SPATA22: variants seen among roughly 807,000 people sequenced by gnomAD.
SPATA22 encodes the protein spermatogenesis-associated protein 22.
Under a neutral mutation model 47.8 loss-of-function variants are expected in SPATA22, and 29 were observed. The observed-to-expected ratio is 0.61, with a 90% CI of 0.45 to 0.83. The LOEUF is 0.83. Among genes scored for constraint, SPATA22 ranks in the 40% least tolerant of loss-of-function variants. The probability of loss-of-function intolerance (pLI) is 0.00; values close to 1 mark genes in which losing one functional copy is unlikely to be tolerated. For missense variants in SPATA22, 410 were observed against 421.7 expected (o/e 0.97, Z 0.24); for synonymous variants, 133 against 140.9 (o/e 0.94, Z 0.40).
chr17:3,478,088 G>C (rs901059623), intron 1 of SPATA22, among the ~76,000 whole-genome samples: 21 of 152,110 alleles, frequency 1.4e-4, no homozygotes, highest in African/African-American at 4.8e-4. Flanking sequence ...GGGAGACTGA[G>C]GCAGGAGAAT....
At chr17:3,466,420 G>A (rs2073316102) in intron 3 of SPATA22, among the ~76,000 whole-genome samples, 2 of 151,996 alleles carry the variant, frequency 1.3e-5, no homozygotes, top group African/African-American at 4.8e-5. Context: ...AGAGGTAAGA[G>A]GCCTAACCCA....
At chr17:3,498,815 T>C (rs2073951932) in intron 1 of SPATA22, 1 of 1,301,010 alleles carries the variant, frequency 7.7e-7, no homozygotes, top group Non-Finnish European at 1.0e-6. Context: ...AATTTGTTAG[T>C]TGTCTAGAGT....
At chr17:3,440,485 C>A (rs2072574966) in intron 8 of SPATA22, 147 bp from the exon 9 acceptor site, 2 of 568,958 alleles carry the variant, frequency 3.5e-6, no homozygotes, top group Non-Finnish European at 6.0e-6. Flanking sequence ...GCTAACAAGA[C>A]AATGATAGTT....
At chr17:3,473,203 T>C (rs1471102209), upstream of SPATA22, among the ~76,000 whole-genome samples, 2 of 152,112 alleles carry the variant, frequency 1.3e-5, no homozygotes, top group Non-Finnish European at 2.9e-5. Flanking sequence ...TTTATAAACT[T>C]AATCTGTTTT....
rs1335062049 is a variant in SPATA22, at chr17:3,487,786, G to A, written c.-73-18388C>T. 3.3e-5 allele frequency among the ~76,000 whole-genome samples: 5 copies of A among 152,270 alleles called. No homozygotes were observed. In the South Asian group the frequency reaches 8.3e-4, roughly 25 times the overall value. ...GAGAAATTTACCTACCTTGAAGATT[G>A]GAAGCCCAACTAATATCAGGATTCT... On this transcript the variant is annotated intron_variant, in intron 1 of 8. Transcript: ENST00000541913.
At chr17:3,447,884 GCAAGTAAA>G (rs2072762910) in intron 6 of SPATA22, among the ~76,000 whole-genome samples, 1 of 152,270 alleles carries the variant, frequency 6.6e-6, no homozygotes, top group Non-Finnish European at 1.5e-5. Context: ...GCAAAAGCCA[GCAAGTAAA>G]CAATCTCAGG....
chr17:3,451,257 AC>A lies in SPATA22; in HGVS notation c.330-2109del, dbSNP rs1315081244. The stretch of plus-strand genomic sequence containing the variant: ...ATAAATGGGTAAATTCAATAGGAAG[AC>A]ATAAAAATTGTGAACATATATACAT... On this transcript the variant is annotated intron_variant, in intron 5 of 8. Transcript: ENST00000572969. Among the ~76,000 whole-genome samples the A allele has an allele frequency of 2.6e-5, 4 of 152,248 alleles. No homozygotes were observed. The East Asian group carries it at 5.8e-4, about 22-fold the overall frequency.
At chr17:3,491,379 A>G (rs1477046901) in intron 1 of SPATA22, among the ~76,000 whole-genome samples, 1 of 152,210 alleles carries the variant, frequency 6.6e-6, no homozygotes, top group Non-Finnish European at 1.5e-5. Context: ...TCCGTAATCC[A>G]GGAGAAACAT....
chr17:3,453,990 A>G (rs1026919639), intron 5 of SPATA22, among the ~76,000 whole-genome samples: 3 of 152,256 alleles, frequency 2.0e-5, no homozygotes, highest in African/African-American at 7.2e-5. Flanking sequence ...AAACTCCATT[A>G]AGAAACTGTT....
At chr17:3,450,087 CAA>C (rs1171482588) in intron 5 of SPATA22, among the ~76,000 whole-genome samples, 2 of 152,116 alleles carry the variant, frequency 1.3e-5, no homozygotes, top group African/African-American at 4.8e-5. Flanking sequence ...CTCCTGGGCT[CAA>C]GTGATCCACC....
intron 1 of SPATA22, among the ~76,000 whole-genome samples, chr17:3,491,485 G>T (rs953395088): frequency 6.6e-6 from 1 of 152,172 alleles, no homozygotes; most frequent in Non-Finnish European, 1.5e-5. Context: ...GGTGGCTCAT[G>T]CCTGTAATCC....
intron 1 of SPATA22, among the ~76,000 whole-genome samples, chr17:3,484,447 T>C (rs1186959241): frequency 5.9e-5 from 9 of 152,150 alleles, no homozygotes; most frequent in Non-Finnish European, 1.2e-4. Flanking sequence ...AGGAAAGACC[T>C]AACCCAGTCT....
At chr17:3,505,743 TTTG>T (rs1371571270) in intron 1 of SPATA22, among the ~76,000 whole-genome samples, 171 of 100,898 alleles carry the variant, frequency 1.7e-3, no homozygotes, top group Middle Eastern at 4.9e-3. Context: ...TTTTTGTTTG[TTTG>T]TTGTTTTTTG....
chr17:3,504,621 G>C (rs969633868), intron 1 of SPATA22, among the ~76,000 whole-genome samples: 3 of 148,804 alleles, frequency 2.0e-5, no homozygotes, highest in African/African-American at 7.5e-5. Context: ...GCAATGGCAT[G>C]ATCTCGGCTC....
intron 8 of SPATA22, chr17:3,441,703 A>G (rs2072601905): frequency 6.6e-6 from 1 of 152,088 alleles, no homozygotes; most frequent in East Asian, 1.9e-4. Context: ...CATAGATAAG[A>G]ATGTTCATAG....
rs1186477881 is a variant in SPATA22, at chr17:3,469,263, A to T, written c.43+20T>A. 3 of 1,239,728 alleles carry T rather than the reference A, an allele frequency of 2.4e-6. No individual in the cohort carries two copies. The African/African-American group carries it at 4.5e-5, about 18-fold the overall frequency. The allele number at this position is 1,239,728 out of a possible 1,614,324, so 76.8% of individuals were successfully genotyped here. On this transcript the variant is annotated intron_variant, in intron 2 of 8. Coordinates refer to ENST00000572969, the MANE Select transcript of SPATA22 (RefSeq NM_001170698.2). ...TTATATGCTATACAGAAAATTTAAAAATAAAAAGTTGTTCAATACCTGCTG... is the reference window on the plus strand; with the variant it reads ...TTATATGCTATACAGAAAATTTAAATATAAAAAGTTGTTCAATACCTGCTG...
At chr17:3,446,370 C>A in intron 7 of SPATA22, 102 bp downstream of exon 7, 1 of 1,200,478 alleles carries the variant, frequency 8.3e-7, no homozygotes, top group South Asian at 1.5e-5. Context: ...TAGGGAGTAG[C>A]AAAAAGCAGA....
chr17:3,477,128 C>CT (rs979692040), intron 1 of SPATA22, among the ~76,000 whole-genome samples: 6 of 152,034 alleles, frequency 3.9e-5, no homozygotes, highest in African/African-American at 1.2e-4. Flanking sequence ...GCACTCCAGC[C>CT]TGGGAGACAG....
At chr17:3,511,820 A>G (rs2074117325) in intron 1 of SPATA22, 1 of 152,210 alleles carries the variant, frequency 6.6e-6, no homozygotes, top group Non-Finnish European at 1.5e-5. Context: ...TCCATAACAG[A>G]TACGGCTTTA....
Sources: allele counts gnomAD v4.1 joint callset (sites outside exome capture counted in the v4.1 genomes callset), GRCh38; gene constraint gnomAD v4.1.1; transcripts MANE v1.5; gene names NCBI Gene and HGNC (gene_info 2026-07-23, HGNC 2026-07-21).